Variants in HOXB1 observed in about 807,000 individuals in gnomAD.
The protein encoded by HOXB1 is homeobox protein Hox-B1.
A neutral mutation model predicts 26.9 loss-of-function variants in HOXB1; 13 were observed. The ratio of observed to expected loss-of-function variants is 0.48; its 90% CI spans 0.31 to 0.77. The LOEUF is 0.77. Among genes scored for constraint, HOXB1 ranks in the 30% least tolerant of loss-of-function variants. The probability of loss-of-function intolerance (pLI) is 0.04; values close to 1 mark genes in which losing one functional copy is unlikely to be tolerated. For missense variants in HOXB1, 366 were observed against 403.6 expected (o/e 0.91, Z 0.80); for synonymous variants, 168 against 170.8 (o/e 0.98, Z 0.13).
At position 48,529,453 on chromosome 17, in the gene HOXB1, AGTGAAGCCC is replaced by A; in HGVS notation, c.*85_*93del. ...CAGCCCTAGAGAGGATCCCCAGGCC[AGTGAAGCCC>A]AGGCCTGGGGTTGGGGAGAGCCTGG... On this transcript the variant is annotated 3_prime_UTR_variant, in exon 2 of 2. Transcript: ENST00000239174. The A allele has an allele frequency of 1.4e-6, 1 of 736,064 alleles. No homozygotes were observed. Among genetic ancestry groups the A allele is most frequent in the East Asian group, 4.4e-5 (1 of 22,474 alleles). The allele number at this position is 736,064 out of a possible 1,614,324, so 45.6% of individuals were successfully genotyped here.
rs897285207 is a variant in HOXB1 at position 48,529,458 on chromosome 17, A to T, written c.*89T>A. 9.7e-7 allele frequency: 1 copy of T among 1,027,774 alleles called. No individual in the cohort carries two copies. The highest frequency in any genetic ancestry group is 1.4e-6 in the Non-Finnish European group (1 of 725,322). 63.7% of individuals were successfully genotyped at this position (1,027,774 alleles called of 1,614,324 possible). A position where few individuals can be genotyped will look rare whatever the true frequency, so the allele number is the denominator to read the frequency against. ...CTAGAGAGGATCCCCAGGCCAGTGA[A>T]GCCCAGGCCTGGGGTTGGGGAGAGC... On this transcript the variant is annotated 3_prime_UTR_variant, in exon 2 of 2. Transcript: ENST00000239174.
rs945636680 is a variant in HOXB1, at chr17:48,529,005, CT to C, written c.*541del. On this transcript the variant is annotated 3_prime_UTR_variant, in exon 2 of 2. Coordinates refer to ENST00000239174, the MANE Select transcript of HOXB1 (RefSeq NM_002144.4). ...AGATGGGGGCGGGGGGCTTTTTGGTCTGTCACAAGGCAGCTGGTGCTATTGT... is the reference window on the plus strand; with the variant it reads ...AGATGGGGGCGGGGGGCTTTTTGGTCGTCACAAGGCAGCTGGTGCTATTGT... 2 of 152,270 alleles carry C rather than the reference CT, an allele frequency of 1.3e-5. No individual in the cohort carries two copies. The highest frequency in any genetic ancestry group is 4.8e-5 in the African/African-American group (2 of 41,354). The allele number at this position is 152,270 out of a possible 1,614,324, so 9.4% of individuals were successfully genotyped here. A position where few individuals can be genotyped will look rare whatever the true frequency, so the allele number is the denominator to read the frequency against.
In HOXB1 at chr17:48,528,866, C is replaced by T. The variant is rs982614659; in HGVS notation, c.*681G>A. 1 of 152,246 alleles carries T rather than the reference C, an allele frequency of 6.6e-6. No homozygotes were observed. Among genetic ancestry groups the T allele is most frequent in the African/African-American group, 2.4e-5 (1 of 41,432 alleles). 9.4% of individuals were successfully genotyped at this position (152,246 alleles called of 1,614,324 possible). A position where few individuals can be genotyped will look rare whatever the true frequency, so the allele number is the denominator to read the frequency against. ...GTCTCTGGAATACCAAGTTCCAAAA[C>T]ACTTTGGTGACATAGTGATGAGGTC... On this transcript the variant is annotated 3_prime_UTR_variant, in exon 2 of 2. Coordinates refer to ENST00000239174, the MANE Select transcript of HOXB1 (RefSeq NM_002144.4).
In HOXB1 at chr17:48,530,984, G is replaced by C. The variant is rs2068435980; in HGVS notation, c.-80C>G. ...CAACCTTTCGGCAGTATGTCACAGCGCTGGGGCTCGAATCCATGGCCTGAC... is the reference window on the plus strand; with the variant it reads ...CAACCTTTCGGCAGTATGTCACAGCCCTGGGGCTCGAATCCATGGCCTGAC... On this transcript the variant is annotated 5_prime_UTR_variant, in exon 1 of 2. Coordinates refer to ENST00000239174, the MANE Select transcript of HOXB1 (RefSeq NM_002144.4). This position sits in a 1 kb window ranked among gnomAD's most constrained non-coding sequence, Gnocchi z 6.2. 9.7e-7 allele frequency: 1 copy of C among 1,028,668 alleles called. No homozygotes were observed. 63.7% of individuals were successfully genotyped at this position (1,028,668 alleles called of 1,614,324 possible). A position where few individuals can be genotyped will look rare whatever the true frequency, so the allele number is the denominator to read the frequency against.
In HOXB1 at chr17:48,530,218, AC is replaced by A; in HGVS notation, c.577+109del. 1 of 967,538 alleles carries A rather than the reference AC, an allele frequency of 1.0e-6. No homozygotes were observed. The allele number at this position is 967,538 out of a possible 1,614,324, so 59.9% of individuals were successfully genotyped here. Reference sequence around the variant, plus strand: ...GTAGGTTGTGCTCTTACCTGTGTCTACCAGAGCCGCTGAAAGAGAAGAACCC... The same window carrying A: ...GTAGGTTGTGCTCTTACCTGTGTCTACAGAGCCGCTGAAAGAGAAGAACCC... On this transcript the variant is annotated intron_variant, in intron 1 of 1. Transcript: ENST00000239174. This position sits in a 1 kb window ranked among gnomAD's most constrained non-coding sequence, Gnocchi z 6.2.
Position 48,529,758 on chromosome 17 carries a change from C to A in HOXB1, c.695G>T (p.Arg232Leu), listed in dbSNP as rs759845470. Residue 232 changes from arginine (R) to leucine (L), a missense_variant, in exon 2 of 2, where the codon CGG becomes CTG. Physicochemically the swap from Arg to Leu is moderately radical, Grantham distance 102. Transcript: ENST00000239174. ...FHFNKYLSRA[R>L]RVEIAATLEL... ...CAGGGTGGCGGCAATCTCCACCCTCCGGGCCCGGCTCAGGTACTTGTTGAA... is the reference window on the plus strand; with the variant it reads ...CAGGGTGGCGGCAATCTCCACCCTCAGGGCCCGGCTCAGGTACTTGTTGAA... 6.2e-7 allele frequency: 1 copy of A among 1,610,320 alleles called. No homozygotes were observed. Among genetic ancestry groups the A allele is most frequent in the Non-Finnish European group, 8.5e-7 (1 of 1,179,930 alleles).
rs759845470 is a variant in HOXB1, at chr17:48,529,758, C to T, written c.695G>A (p.Arg232Gln). ...CAGGGTGGCGGCAATCTCCACCCTCCGGGCCCGGCTCAGGTACTTGTTGAA... is the reference window on the plus strand; with the variant it reads ...CAGGGTGGCGGCAATCTCCACCCTCTGGGCCCGGCTCAGGTACTTGTTGAA... ...FHFNKYLSRA[R>Q]RVEIAATLEL... Residue 232 changes from arginine (R) to glutamine (Q), a missense_variant, in exon 2 of 2, where the codon CGG (arginine) becomes CAG (glutamine). By Grantham distance (43) the Arg-to-Gln change is conservative. Coordinates refer to ENST00000239174, the MANE Select transcript of HOXB1 (RefSeq NM_002144.4). 1.7e-5 allele frequency: 28 copies of T among 1,610,200 alleles called. No homozygotes were observed. Among genetic ancestry groups the T allele is most frequent in the Admixed American group, 6.7e-5 (4 of 59,998 alleles).
Position 48,530,167 on chromosome 17 carries a change from T to G in HOXB1, c.577+161A>C. The G allele has an allele frequency of 1.5e-6, 1 of 673,806 alleles. No homozygotes were observed. The highest frequency in any genetic ancestry group is 2.6e-6 in the Non-Finnish European group (1 of 383,754). The allele number at this position is 673,806 out of a possible 1,614,324, so 41.7% of individuals were successfully genotyped here. A position where few individuals can be genotyped will look rare whatever the true frequency, so the allele number is the denominator to read the frequency against. Reference sequence around the variant, plus strand: ...CTGGGGTGACCGGTTACATACTGGGTGGGGAGACCTCACCTGACCTGAGAC... The same window carrying G: ...CTGGGGTGACCGGTTACATACTGGGGGGGGAGACCTCACCTGACCTGAGAC... On this transcript the variant is annotated intron_variant, in intron 1 of 1. Transcript: ENST00000239174. This position sits in a 1 kb window ranked among gnomAD's most constrained non-coding sequence, Gnocchi z 6.2.
chr17:48,529,463 A>AGGCCTGGGCTTCACT lies in HOXB1; in HGVS notation c.*83_*84insAGTGAAGCCCAGGCC. ...GAGGATCCCCAGGCCAGTGAAGCCC[A>AGGCCTGGGCTTCACT]GGCCTGGGGTTGGGGAGAGCCTGGG... On this transcript the variant is annotated 3_prime_UTR_variant, in exon 2 of 2. Transcript: ENST00000239174. 12 of 1,010,110 alleles carry AGGCCTGGGCTTCACT rather than the reference A, an allele frequency of 1.2e-5. No homozygotes were observed. Among genetic ancestry groups the AGGCCTGGGCTTCACT allele is most frequent in the Non-Finnish European group, 1.4e-5 (10 of 726,446 alleles). The allele number at this position is 1,010,110 out of a possible 1,614,324, so 62.6% of individuals were successfully genotyped here. A position where few individuals can be genotyped will look rare whatever the true frequency, so the allele number is the denominator to read the frequency against.
At position 48,529,485 on chromosome 17, in the gene HOXB1, TG is replaced by T. The variant is rs2068419048; in HGVS notation, c.*61del. 2 of 1,305,558 alleles carry T rather than the reference TG, an allele frequency of 1.5e-6. No individual in the cohort carries two copies. The highest frequency in any genetic ancestry group is 3.0e-5 in the African/African-American group (2 of 67,042). 80.9% of individuals were successfully genotyped at this position (1,305,558 alleles called of 1,614,324 possible). A position where few individuals can be genotyped will look rare whatever the true frequency, so the allele number is the denominator to read the frequency against. ...CCCAGGCCTGGGGTTGGGGAGAGCC[TG>T]GGATAGGGCTGGACTGGGGCGCTCC... On this transcript the variant is annotated 3_prime_UTR_variant, in exon 2 of 2. Coordinates refer to ENST00000239174, the MANE Select transcript of HOXB1 (RefSeq NM_002144.4).
In HOXB1 at chr17:48,528,574, G is replaced by C. The variant is rs535331140; in HGVS notation, c.*973C>G. 2 of 152,484 alleles carry C rather than the reference G, an allele frequency of 1.3e-5. No homozygotes were observed. The highest frequency in any genetic ancestry group is 2.9e-5 in the Non-Finnish European group (2 of 68,128). 9.4% of individuals were successfully genotyped at this position (152,484 alleles called of 1,614,324 possible). ...GAAATGAGGTAGTTGCAGGTACAGAGAGAACCCGGGCTCACTTGGGGCTCA... is the reference window on the plus strand; with the variant it reads ...GAAATGAGGTAGTTGCAGGTACAGACAGAACCCGGGCTCACTTGGGGCTCA... On this transcript the variant is annotated 3_prime_UTR_variant, in exon 2 of 2. Coordinates refer to ENST00000239174, the MANE Select transcript of HOXB1 (RefSeq NM_002144.4).
At position 48,529,640 on chromosome 17, in the gene HOXB1, G is replaced by A. The variant is rs1280812633; in HGVS notation, c.813C>T (p.Ala271=). 1.2e-6 allele frequency: 2 copies of A among 1,608,140 alleles called. No individual in the cohort carries two copies. Among genetic ancestry groups the A allele is most frequent in the African/African-American group, 2.7e-5 (2 of 74,864 alleles). Residue 271 remains alanine, a synonymous_variant, in exon 2 of 2, where the codon GCC becomes GCT. Coordinates refer to ENST00000239174, the MANE Select transcript of HOXB1 (RefSeq NM_002144.4). ...CTGCCTCCTTGGGGCAGCCTGGTGG[G>A]GCTGGGGGGACCCGACCTTCCTCTC... ...REREEGRVPP[A]PPGCPKEAAG...
intron 1 of HOXB1, 31 bp from the exon 2 acceptor site, chr17:48,529,906 C>A: frequency 6.6e-7 from 1 of 1,508,346 alleles, no homozygotes; most frequent in South Asian, 1.3e-5. Flanking sequence ...AAGGCCAGGT[C>A]AATTCTCTCA....
rs2144693959 is a variant in HOXB1, at chr17:48,530,660, G to A, written c.245C>T (p.Ser82Leu). ...GCTGCAGGCGGCAGGAGCATACCCCGAGGGCGCGGAGCTGGGGAAGGGCAC... is the reference window on the plus strand; with the variant it reads ...GCTGCAGGCGGCAGGAGCATACCCCAAGGGCGCGGAGCTGGGGAAGGGCAC... Reference protein sequence around the residue: ...LGVPFPSSAPSGYAPAACSPS... With the variant: ...LGVPFPSSAPLGYAPAACSPS... Residue 82 changes from serine (S) to leucine (L), a missense_variant, in exon 1 of 2, where the codon TCG becomes TTG. Ser to Leu is a moderately radical substitution (Grantham distance 145). Transcript: ENST00000239174. The surrounding 1 kb of genome is among the most constrained non-coding windows in gnomAD (Gnocchi z 6.2). 32 of 1,613,734 alleles carry A rather than the reference G, an allele frequency of 2.0e-5. No homozygotes were observed. The highest frequency in any genetic ancestry group is 2.4e-5 in the Non-Finnish European group (28 of 1,179,956).
In HOXB1 at chr17:48,528,807, T is replaced by C. The variant is rs1271173788; in HGVS notation, c.*740A>G. On this transcript the variant is annotated 3_prime_UTR_variant, in exon 2 of 2. Coordinates refer to ENST00000239174, the MANE Select transcript of HOXB1 (RefSeq NM_002144.4). Reference sequence around the variant, plus strand: ...GTGCCTGCACCTTCCTGGTTGTGGCTTGCTGGGGGCAGGCCTTGCACGGCG... The same window carrying C: ...GTGCCTGCACCTTCCTGGTTGTGGCCTGCTGGGGGCAGGCCTTGCACGGCG... 1 of 152,218 alleles carries C rather than the reference T, an allele frequency of 6.6e-6. No individual in the cohort carries two copies. The highest frequency in any genetic ancestry group is 1.9e-4 in the East Asian group (1 of 5,174). The allele number at this position is 152,218 out of a possible 1,614,324, so 9.4% of individuals were successfully genotyped here.
In HOXB1 at chr17:48,529,589, T is replaced by A. The variant is rs779348731; in HGVS notation, c.864A>T (p.Thr288=). ...EAAGDASDQS[T]CTSPEASPSS... ...TGGGTGAGGCTTCCGGGGAGGTGCA[T>A]GTCGACTGGTCTGAGGCATCTCCAG... Residue 288 remains threonine (T), a synonymous_variant, in exon 2 of 2, where the codon ACA becomes ACT. Transcript: ENST00000239174. The A allele has an allele frequency of 1.9e-6, 3 of 1,549,764 alleles. No individual in the cohort carries two copies. The South Asian group carries it at 3.7e-5, about 19-fold the overall frequency.
Position 48,529,689 on chromosome 17 carries a change from C to T in HOXB1, c.764G>A (p.Arg255Gln), listed in dbSNP as rs1567932264. Residue 255 changes from arginine to glutamine, a missense_variant, in exon 2 of 2, where the codon CGA becomes CAA. By Grantham distance (43) the Arg-to-Gln change is conservative. Transcript: ENST00000239174. The part of the protein sequence containing the change: ...TQVKIWFQNR[R>Q]MKQKKREREE... ...TCGCTCGCGCTTCTTCTGCTTCATT[C>T]GTCGGTTCTGGAACCAAATCTTGAC... is the stretch of plus-strand genomic sequence containing the variant. 2 of 1,613,206 alleles carry T rather than the reference C, an allele frequency of 1.2e-6. No individual in the cohort carries two copies. The highest frequency in any genetic ancestry group is 1.1e-5 in the South Asian group (1 of 91,068).
At position 48,529,703 on chromosome 17, in the gene HOXB1, C is replaced by T; in HGVS notation, c.750G>A (p.Trp250Ter). ...TCTGCTTCATTCGTCGGTTCTGGAA[C>T]CAAATCTTGACCTGTGTTTCATTGA... is the stretch of plus-strand genomic sequence containing the variant. The part of the protein sequence containing the change: ...LELNETQVKI[W>*]FQNRRMKQKK... The change falls in exon 2 of 2, where the codon TGG becomes TGA. Residue 250 changes from tryptophan to a stop codon, truncating the protein, a stop_gained. Coordinates refer to ENST00000239174, the MANE Select transcript of HOXB1 (RefSeq NM_002144.4). LOFTEE classifies it high-confidence loss of function. The T allele has an allele frequency of 6.2e-7, 1 of 1,613,340 alleles. No individual in the cohort carries two copies. The highest frequency in any genetic ancestry group is 8.5e-7 in the Non-Finnish European group (1 of 1,179,786).
In HOXB1 at chr17:48,530,129, T is replaced by C; in HGVS notation, c.577+199A>G. ...CACAGATCAGGAAGTGGGGTGTGTA[T>C]GGAAACTTACTCCTGGGGTGACCGG... On this transcript the variant is annotated intron_variant, in intron 1 of 1. Coordinates refer to ENST00000239174, the MANE Select transcript of HOXB1 (RefSeq NM_002144.4). The surrounding 1 kb of genome is among the most constrained non-coding windows in gnomAD (Gnocchi z 6.2). 2 of 630,606 alleles carry C rather than the reference T, an allele frequency of 3.2e-6. No individual in the cohort carries two copies. The highest frequency in any genetic ancestry group is 3.9e-5 in the South Asian group (2 of 51,832). 39.1% of individuals were successfully genotyped at this position (630,606 alleles called of 1,614,324 possible).
Sources: gnomAD v4.1 joint callset for allele counts on GRCh38, gnomAD v4.1.1 for gene constraint, Gnocchi (gnomAD v3.1) non-coding constraint, MANE v1.5 for transcripts, NCBI Gene and HGNC (gene_info 2026-07-23, HGNC 2026-07-21) for gene names.